The following MTA2 variants were observed in gnomAD, a reference collection of about 807,000 sequenced individuals.
MTA2 encodes metastasis associated 1 family member 2.
In MTA2, 22 loss-of-function variants were observed where a neutral mutation model predicts 87.1. The observed-to-expected ratio is 0.25, with a 90% CI of 0.18 to 0.36. The LOEUF is 0.36. Ranked by LOEUF, MTA2 falls within the 10% of genes least tolerant of loss-of-function variation. MTA2 has a pLI of 1.00. For synonymous variants in MTA2, 314 were observed against 310.1 expected, an observed-to-expected ratio of 1.01 and a Z score of -0.13; for missense variants, 542 against 853.2, an observed-to-expected ratio of 0.64 and a Z score of 4.54.
chr11:62,594,279 A>G lies in MTA2; in HGVS notation c.1821T>C (p.Phe607=), dbSNP rs1235022434. 1.9e-6 allele frequency: 3 copies of G among 1,614,046 alleles called. No homozygotes were observed. Among genetic ancestry groups the G allele is most frequent in the Non-Finnish European group, 2.5e-6 (3 of 1,180,030 alleles). ...CTTACCTGGTATCCTTTGTGGCCAC[A>G]AACACCACAGGATTGGGGGCATCAG... ...NPADAPNPVV[F]VATKDTRALR... The change falls in exon 17 of 18, where the codon TTT becomes TTC. Residue 607 remains phenylalanine, a synonymous_variant. Transcript: ENST00000278823.
chr11:62,597,975 C>G, intron 6 of MTA2, 49 bp downstream of exon 6: 1 of 1,520,588 alleles, frequency 6.6e-7, no homozygotes, highest in Non-Finnish European at 9.1e-7. Flanking sequence ...TAAAGTGCCC[C>G]TTGGAATTAG....
Position 62,594,605 on chromosome 11 carries a change from G to C in MTA2, c.1603C>G (p.Pro535Ala). Residue 535 changes from proline (P) to alanine (A), a missense_variant, in exon 16 of 18, where the codon CCT (proline) becomes GCT (alanine). By Grantham distance (27) the Pro-to-Ala change is conservative. Around this residue, in one of 6 missense-constraint regions of MTA2, gnomAD observed 269 missense variants for 346.4 expected, o/e 0.78. Transcript: ENST00000278823. ...VAQAPLKPKTPRGTKTPINRN... is the reference protein window; with the variant it reads ...VAQAPLKPKTARGTKTPINRN... ...TTGATCGGTGTCTTGGTACCCCGAGGTGTTTTTGGTTTCAGGGGTGCCTGG... is the reference window on the plus strand; with the variant it reads ...TTGATCGGTGTCTTGGTACCCCGAGCTGTTTTTGGTTTCAGGGGTGCCTGG... 2 of 1,614,144 alleles carry C rather than the reference G, an allele frequency of 1.2e-6. No homozygotes were observed. Among genetic ancestry groups the C allele is most frequent in the South Asian group, 2.2e-5 (2 of 91,082 alleles).
intron 3 of MTA2, chr11:62,599,380 C>A (rs577489085): frequency 6.6e-6 from 1 of 152,446 alleles, no homozygotes; most frequent in East Asian, 1.9e-4. Flanking sequence ...GGGGACCACA[C>A]CCCCAACACC....
Position 62,601,700 on chromosome 11 carries a change from C to T in MTA2, c.-250G>A. On this transcript the variant is annotated 5_prime_UTR_variant, in exon 1 of 18. Coordinates refer to ENST00000278823, the MANE Select transcript of MTA2 (RefSeq NM_004739.4). ...CCCGTCCGCTCGGCTTCTTCCGGAA[C>T]GAGCTCGGCTCCTGCCAGGCCAGAG... 1.9e-6 allele frequency: 1 copy of T among 530,618 alleles called. No individual in the cohort carries two copies. Among genetic ancestry groups the T allele is most frequent in the South Asian group, 2.5e-5 (1 of 39,714 alleles). 32.9% of individuals were successfully genotyped at this position (530,618 alleles called of 1,614,324 possible). A position where few individuals can be genotyped will look rare whatever the true frequency, so the allele number is the denominator to read the frequency against.
chr11:62,596,866 T>A, intron 8 of MTA2, 41 bp from the exon 9 acceptor site: 1 of 1,562,306 alleles, frequency 6.4e-7, no homozygotes, highest in Non-Finnish European at 8.7e-7. Context: ...CTGAAACTTT[T>A]GGCACCACTC....
At chr11:62,601,269 C>T in intron 1 of MTA2, 154 bp downstream of exon 1, 1 of 970,820 alleles carries the variant, frequency 1.0e-6, no homozygotes, top group Non-Finnish European at 1.5e-6. Flanking sequence ...GTTCCCCGCA[C>T]CCTCTCTCCT....
Position 62,598,543 on chromosome 11 carries a change from G to C in MTA2, c.287C>G (p.Ser96Ter). 6.2e-7 allele frequency: 1 copy of C among 1,614,152 alleles called. No individual in the cohort carries two copies. The highest frequency in any genetic ancestry group is 8.5e-7 in the Non-Finnish European group (1 of 1,180,018). ...GTACCGTATGTGGGTGGCTGGTAAT[G>C]ATTCAAATTGCCGAGAAAGAAAAAG... ...RELFLSRQFESLPATHIRGKC... is the reference protein window; with the variant it reads ...RELFLSRQFE The change falls in exon 4 of 18, where the codon TCA becomes TGA. Residue 96 changes from serine to a stop codon, truncating the protein, a stop_gained. Coordinates refer to ENST00000278823, the MANE Select transcript of MTA2 (RefSeq NM_004739.4). LOFTEE classifies it high-confidence loss of function.
chr11:62,596,985 C>G (rs1340327250), intron 8 of MTA2, among the ~76,000 whole-genome samples, 160 bp from the exon 9 acceptor site: 12 of 152,000 alleles, frequency 7.9e-5, no homozygotes. Flanking sequence ...GTCAGGAGAT[C>G]GAGATCATCC....
intron 1 of MTA2, 101 bp downstream of exon 1, chr11:62,601,322 G>GC (rs1473453127): frequency 4.2e-6 from 6 of 1,422,134 alleles, no homozygotes; most frequent in Non-Finnish European, 5.8e-6. Context: ...GGTCCACGCT[G>GC]CCCCATACGC....
Position 62,593,797 on chromosome 11 carries a change from C to T in MTA2, c.*78G>A, listed in dbSNP as rs1237135820. 13 of 1,556,144 alleles carry T rather than the reference C, an allele frequency of 8.4e-6. No homozygotes were observed. Among genetic ancestry groups the T allele is most frequent in the African/African-American group, 5.4e-5 (4 of 73,598 alleles). ...TTAATTCACTCCTCACTCCCTTCGA[C>T]ACGAAAGGGAAGGGAGGTTTGGGTG... On this transcript the variant is annotated 3_prime_UTR_variant, in exon 18 of 18. Coordinates refer to ENST00000278823, the MANE Select transcript of MTA2 (RefSeq NM_004739.4).
In MTA2 at chr11:62,595,255, T is replaced by G; in HGVS notation, c.1483+9A>C. 6.2e-7 allele frequency: 1 copy of G among 1,613,234 alleles called. No individual in the cohort carries two copies. The stretch of plus-strand genomic sequence containing the variant: ...ACCCACCACCAGTCCCACCACTCCC[T>G]GCCCTTACACTCTGCTTTGATGGCA... On this transcript the variant is annotated intron_variant, in intron 14 of 17. Coordinates refer to ENST00000278823, the MANE Select transcript of MTA2 (RefSeq NM_004739.4). This position sits in a 1 kb window ranked among gnomAD's most constrained non-coding sequence, Gnocchi z 4.9.
chr11:62,598,479 A>G (rs1290892169), intron 4 of MTA2, 43 bp downstream of exon 4: 2 of 1,605,932 alleles, frequency 1.2e-6, no homozygotes, highest in South Asian at 1.1e-5. Context: ...TCCATCTTCT[A>G]CGTAAGTGCA....
At chr11:62,596,613 C>A in intron 9 of MTA2, 24 bp downstream of exon 9, 7 of 1,611,642 alleles carry the variant, frequency 4.3e-6, no homozygotes, top group Non-Finnish European at 5.9e-6. Flanking sequence ...TCTCCCACTT[C>A]TCCTCCTAGT....
In MTA2 at chr11:62,598,646, G is replaced by C; in HGVS notation, c.191-7C>G. The C allele has an allele frequency of 6.2e-7, 1 of 1,612,160 alleles. No homozygotes were observed. The highest frequency in any genetic ancestry group is 8.5e-7 in the Non-Finnish European group (1 of 1,178,864). On this transcript the variant is annotated splice_polypyrimidine_tract_variant and splice_region_variant and intron_variant, in intron 3 of 17. Transcript: ENST00000278823. ...GATTCCTCTTCAAACTCCCCTGGGA[G>C]ATTAAAGAGGAAGAAACCAAGTCAG...
chr11:62,596,091 T>G lies in MTA2; in HGVS notation c.1033A>C (p.Asn345His). 2 of 1,614,072 alleles carry G rather than the reference T, an allele frequency of 1.2e-6. No individual in the cohort carries two copies. The highest frequency in any genetic ancestry group is 1.7e-6 in the Non-Finnish European group (2 of 1,180,012). ...YIPTYTKPNPNQIISVGSKPG... is the reference protein window; with the variant it reads ...YIPTYTKPNPHQIISVGSKPG... ...TTTGAACCCACAGAAATGATCTGGT[T>G]AGGGTTTGGCTTAGTGCTAACGGGG... Residue 345 changes from asparagine (N) to histidine (H), a missense_variant, in exon 12 of 18, where the codon AAC (asparagine) becomes CAC (histidine). Asn to His is a moderately conservative substitution (Grantham distance 68). Around this residue, in one of 6 missense-constraint regions of MTA2, gnomAD observed 46 missense variants for 109.1 expected, o/e 0.42. Transcript: ENST00000278823.
At position 62,593,332 on chromosome 11, in the gene MTA2, G is replaced by GAGGGA. The variant is rs1942048903; in HGVS notation, c.*538_*542dup. ...GCGTACAAAAGGCAGAGGGGGAGGG[G>GAGGGA]AGGGAAGGAAAGAGCGAGCGTGGCC... On this transcript the variant is annotated 3_prime_UTR_variant, in exon 18 of 18. Coordinates refer to ENST00000278823, the MANE Select transcript of MTA2 (RefSeq NM_004739.4). 1 of 151,612 alleles carries GAGGGA rather than the reference G, an allele frequency of 6.6e-6. No homozygotes were observed. The highest frequency in any genetic ancestry group is 2.4e-5 in the African/African-American group (1 of 41,098). 9.4% of individuals were successfully genotyped at this position (151,612 alleles called of 1,614,324 possible).
At chr11:62,597,167 C>A in intron 8 of MTA2, 149 bp downstream of exon 8, 1 of 633,398 alleles carries the variant, frequency 1.6e-6, no homozygotes, top group South Asian at 2.2e-5. Context: ...CCAGCCTGGG[C>A]GACAGAGCAA....
Position 62,601,668 on chromosome 11 carries a change from G to C in MTA2, c.-218C>G, listed in dbSNP as rs1942205229. On this transcript the variant is annotated 5_prime_UTR_variant, in exon 1 of 18. Coordinates refer to ENST00000278823, the MANE Select transcript of MTA2 (RefSeq NM_004739.4). ...ATCGCCTCACTCCCGGGACGCTGAG[G>C]CTGGCCCCCGTCCGCTCGGCTTCTT... 1 of 549,672 alleles carries C rather than the reference G, an allele frequency of 1.8e-6. No individual in the cohort carries two copies. Among genetic ancestry groups the C allele is most frequent in the Admixed American group, 4.0e-5 (1 of 24,972 alleles). The allele number at this position is 549,672 out of a possible 1,614,324, so 34.0% of individuals were successfully genotyped here.
intron 17 of MTA2, 103 bp from the exon 18 acceptor site, chr11:62,594,143 T>C (rs1334834211): frequency 3.2e-6 from 5 of 1,555,918 alleles, no homozygotes. Flanking sequence ...CATTCTTTTC[T>C]GGCATCCCCA....
Sources: allele counts gnomAD v4.1 joint callset (sites outside exome capture counted in the v4.1 genomes callset), GRCh38; gene constraint gnomAD v4.1.1; regional missense constraint gnomAD v4.1.1; non-coding constraint Gnocchi (gnomAD v3.1); transcripts MANE v1.5; gene names NCBI Gene and HGNC (gene_info 2026-07-23, HGNC 2026-07-21).